The following MTSS1 variants were observed in gnomAD, a reference collection of about 807,000 sequenced individuals.
MTSS1 encodes the protein MTSS I-BAR domain containing 1.
In MTSS1, 18 loss-of-function variants were observed where a neutral mutation model predicts 79.0. That is an observed-to-expected ratio of 0.23 (90% CI 0.16 to 0.34). The LOEUF is 0.34. MTSS1 is among the 10% of genes least tolerant of loss of function. MTSS1 has a pLI of 1.00. For missense variants in MTSS1, 815 were observed against 986.2 expected, an observed-to-expected ratio of 0.83 and a Z score of 2.33; for synonymous variants, 341 against 368.6, an observed-to-expected ratio of 0.93 and a Z score of 0.86.
intron 3 of MTSS1, among the ~76,000 whole-genome samples, chr8:124,637,013 T>C (rs1353536971): frequency 1.6e-4 from 25 of 152,216 alleles, no homozygotes; most frequent in Admixed American, 1.6e-3. Context: ...AGGAATTAAT[T>C]TTCAATCTTT....
intron 6 of MTSS1, among the ~76,000 whole-genome samples, chr8:124,573,860 T>C (rs1828390884): frequency 6.6e-6 from 1 of 152,214 alleles, no homozygotes; most frequent in South Asian, 2.1e-4. Flanking sequence ...GGAATTCTGA[T>C]GAACAGCAGC....
At chr8:124,641,579 ATC>A (rs1336819277) in intron 3 of MTSS1, among the ~76,000 whole-genome samples, 1 of 152,216 alleles carries the variant, frequency 6.6e-6, no homozygotes, top group Non-Finnish European at 1.5e-5. Flanking sequence ...TTATCGTGGT[ATC>A]TCTCTCCCAC....
intron 3 of MTSS1, among the ~76,000 whole-genome samples, chr8:124,677,208 A>C (rs12550017): frequency 0.81 from 122,771 of 152,136 alleles, 50,276 homozygotes; most frequent in African/African-American, 0.95. Context: ...TTTTAAGATT[A>C]ATCTTGAACA....
chr8:124,568,895 C>T, intron 6 of MTSS1: 2 of 1,390,106 alleles, frequency 1.4e-6, no homozygotes, highest in Non-Finnish European at 1.9e-6. Context: ...TCTGAAGAGG[C>T]TAAGAGATGT....
At chr8:124,557,319 C>T (rs185885973) in intron 11 of MTSS1, among the ~76,000 whole-genome samples, 5 of 152,302 alleles carry the variant, frequency 3.3e-5, no homozygotes, top group East Asian at 1.9e-4. Context: ...ATGCTGACAC[C>T]CTCAGGTGGC....
At chr8:124,628,670 A>G (rs1815238075) in intron 3 of MTSS1, among the ~76,000 whole-genome samples, 1 of 152,054 alleles carries the variant, frequency 6.6e-6, no homozygotes, top group South Asian at 2.1e-4. Flanking sequence ...AATTATAGGC[A>G]TTTTGTCAGC....
intron 3 of MTSS1, among the ~76,000 whole-genome samples, chr8:124,681,581 A>G (rs748615782): frequency 3.4e-4 from 52 of 152,212 alleles, no homozygotes; most frequent in Non-Finnish European, 6.3e-4. Flanking sequence ...TGAGGTCAGG[A>G]GTTCAAGACC....
In MTSS1 at chr8:124,597,740, T is replaced by C. The variant is rs973121408; in HGVS notation, c.209-6505A>G. On this transcript the variant is annotated intron_variant, in intron 3 of 13. Transcript: ENST00000518547. The surrounding 1 kb of genome is among the most constrained non-coding windows in gnomAD (Gnocchi z 4.6). Reference sequence around the variant, plus strand: ...AGGGGAAGGGCTGAGGAAGCCAGACTGAAGAACTGCTTTGGTGAAAGTGTG... The same window carrying C: ...AGGGGAAGGGCTGAGGAAGCCAGACCGAAGAACTGCTTTGGTGAAAGTGTG... Among the ~76,000 whole-genome samples the C allele has an allele frequency of 6.6e-6, 1 of 152,202 alleles. No individual in the cohort carries two copies. The highest frequency in any genetic ancestry group is 1.5e-5 in the Non-Finnish European group (1 of 68,036).
At chr8:124,677,666 T>G (rs1825526107) in intron 3 of MTSS1, among the ~76,000 whole-genome samples, 2 of 152,216 alleles carry the variant, frequency 1.3e-5, no homozygotes, top group Admixed American at 6.5e-5. Context: ...CTTTTTAGGA[T>G]ATGGTGTATC....
intron 3 of MTSS1, among the ~76,000 whole-genome samples, chr8:124,622,469 G>C (rs1813755955): frequency 7.0e-6 from 1 of 142,298 alleles, no homozygotes; most frequent in Non-Finnish European, 1.5e-5. Context: ...TAGATTTTAG[G>C]AGCTCTTGCC....
intron 1 of MTSS1, among the ~76,000 whole-genome samples, chr8:124,722,074 A>G (rs1431387337): frequency 1.3e-5 from 2 of 152,224 alleles, no homozygotes; most frequent in African/African-American, 2.4e-5. Context: ...TTTGAGAGAA[A>G]GCAAGCAAAT....
intron 4 of MTSS1, among the ~76,000 whole-genome samples, chr8:124,590,815 C>T (rs183507959): frequency 6.6e-4 from 100 of 152,340 alleles, no homozygotes; most frequent in African/African-American, 2.1e-3. Flanking sequence ...TCTCCAATTT[C>T]ACAGCCCCTC....
intron 6 of MTSS1, chr8:124,580,697 AC>A (rs1373216747): frequency 1.9e-6 from 2 of 1,029,726 alleles, no homozygotes; most frequent in Non-Finnish European, 2.8e-6. Context: ...ATGGCTCGCC[AC>A]CAAATTTTCT....
intron 1 of MTSS1, among the ~76,000 whole-genome samples, chr8:124,723,254 G>A (rs372960622): frequency 1.3e-5 from 2 of 152,270 alleles, no homozygotes; most frequent in East Asian, 1.9e-4. Context: ...ATTATGCCAC[G>A]TTTGGTGCCT....
At chr8:124,579,566 T>C (rs1829643617) in intron 6 of MTSS1, 1 of 152,222 alleles carries the variant, frequency 6.6e-6, no homozygotes, top group South Asian at 2.1e-4. Context: ...GTGTCTTACC[T>C]TCCTTCCAAA....
chr8:124,721,967 C>A (rs1020960992), intron 1 of MTSS1, among the ~76,000 whole-genome samples: 3 of 152,164 alleles, frequency 2.0e-5, no homozygotes, highest in African/African-American at 7.2e-5. Context: ...GAGCCCCTGT[C>A]GCATAGTAGG....
intron 3 of MTSS1, among the ~76,000 whole-genome samples, chr8:124,642,071 A>C (rs2134007042): frequency 6.6e-6 from 1 of 152,330 alleles, no homozygotes; most frequent in South Asian, 2.1e-4. Flanking sequence ...TTGAAAGGAA[A>C]ACAGTTCCAG....
intron 5 of MTSS1, 133 bp downstream of exon 5, chr8:124,589,487 G>C: frequency 1.5e-6 from 1 of 648,950 alleles, no homozygotes; most frequent in South Asian, 2.1e-5. Context: ...GCCTACAGGA[G>C]AGTAGGGACA....
At chr8:124,624,196 C>T (rs769100085) in intron 3 of MTSS1, among the ~76,000 whole-genome samples, 1 of 152,206 alleles carries the variant, frequency 6.6e-6, no homozygotes, top group African/African-American at 2.4e-5. Flanking sequence ...AGACAGCCCC[C>T]GTCCTCAATG....
Sources: gnomAD v4.1 joint callset for allele counts (sites outside exome capture counted in the v4.1 genomes callset) on GRCh38, gnomAD v4.1.1 for gene constraint, Gnocchi (gnomAD v3.1) non-coding constraint, MANE v1.5 for transcripts, NCBI Gene and HGNC (gene_info 2026-07-23, HGNC 2026-07-21) for gene names.